CFAP221: variants seen among roughly 807,000 people sequenced by gnomAD.
The protein encoded by CFAP221 is cilia and flagella associated protein 221.
Under a neutral mutation model 113.1 loss-of-function variants are expected in CFAP221, and 97 were observed. The observed-to-expected ratio is 0.86, with a 90% confidence interval of 0.73 to 1.02. The LOEUF is 1.02. Among genes scored for constraint, CFAP221 ranks in the 50% least tolerant of loss-of-function variants. The probability of loss-of-function intolerance (pLI) is 0.00; values close to 1 mark genes in which losing one functional copy is unlikely to be tolerated. For synonymous variants in CFAP221, 331 were observed against 354.4 expected, an observed-to-expected ratio of 0.93 and a Z score of 0.74; for missense variants, 1,025 against 1,013.4, an observed-to-expected ratio of 1.01 and a Z score of -0.16.
intron 13 of CFAP221, among the ~76,000 whole-genome samples, chr2:119,612,503 G>A (rs1685245204): frequency 6.6e-6 from 1 of 152,172 alleles, no homozygotes; most frequent in Non-Finnish European, 1.5e-5. Context: ...ATGAGAACAG[G>A]ATGGGGGAAA....
chr2:119,567,236 G>C (rs2104558673), intron 6 of CFAP221, among the ~76,000 whole-genome samples: 1 of 147,422 alleles, frequency 6.8e-6, no homozygotes, highest in Non-Finnish European at 1.5e-5. Context: ...ATCATACAGA[G>C]TATTTTCACT....
Position 119,630,454 on chromosome 2 carries a change from A to G in CFAP221, c.1732-116A>G, listed in dbSNP as rs1267831220. 8.0e-6 allele frequency: 6 copies of G among 749,520 alleles called. No homozygotes were observed. The African/African-American group carries it at 8.8e-5, about 11-fold the overall frequency. The allele number at this position is 749,520 out of a possible 1,614,324, so 46.4% of individuals were successfully genotyped here. On this transcript the variant is annotated intron_variant, in intron 17 of 23. Transcript: ENST00000413369. Reference sequence around the variant, plus strand: ...CAATAGCCACAATCCGATGACTACAACATGGTGCTTGTCTTACTTTTACCA... The same window carrying G: ...CAATAGCCACAATCCGATGACTACAGCATGGTGCTTGTCTTACTTTTACCA...
intron 12 of CFAP221, among the ~76,000 whole-genome samples, chr2:119,609,825 AT>A (rs1685029718): frequency 6.6e-6 from 1 of 152,220 alleles, no homozygotes; most frequent in African/African-American, 2.4e-5. Flanking sequence ...CTTGTCAGAT[AT>A]GAATATGTTT....
At chr2:119,635,421 A>G (rs570984548) in intron 19 of CFAP221, among the ~76,000 whole-genome samples, 1 of 152,224 alleles carries the variant, frequency 6.6e-6, no homozygotes, top group East Asian at 1.9e-4. Context: ...AAAAAAGATT[A>G]CATGCTGTTT....
intron 14 of CFAP221, among the ~76,000 whole-genome samples, chr2:119,621,756 A>G (rs915442802): frequency 3.3e-5 from 5 of 152,224 alleles, no homozygotes; most frequent in Non-Finnish European, 7.3e-5. Flanking sequence ...GCACAACTAC[A>G]TGGAAACTGA....
At chr2:119,579,310 T>A in intron 6 of CFAP221, among the ~76,000 whole-genome samples, 1 of 151,748 alleles carries the variant, frequency 6.6e-6, no homozygotes, top group East Asian at 1.9e-4. Flanking sequence ...TATATATACA[T>A]ATATATATGT....
At chr2:119,547,154 A>G (rs918877643) in intron 2 of CFAP221, among the ~76,000 whole-genome samples, 2 of 152,240 alleles carry the variant, frequency 1.3e-5, no homozygotes, top group African/African-American at 4.8e-5. Flanking sequence ...TTGTCACTGT[A>G]GAACTTGTCA....
chr2:119,657,480 A>G (rs1323737603), downstream of CFAP221, among the ~76,000 whole-genome samples: 4 of 152,252 alleles, frequency 2.6e-5, no homozygotes. Context: ...AGGGCAGGAC[A>G]TAAGCATCAG....
At chr2:119,591,168 AG>A (rs965165104) in intron 7 of CFAP221, among the ~76,000 whole-genome samples, 1 of 152,220 alleles carries the variant, frequency 6.6e-6, no homozygotes, top group Admixed American at 6.5e-5. Context: ...GGCCATATGC[AG>A]GGTTGGAAAA....
chr2:119,652,441 A>G (rs545503176), intron 23 of CFAP221, among the ~76,000 whole-genome samples: 42 of 152,312 alleles, frequency 2.8e-4, no homozygotes, highest in African/African-American at 1.0e-3. Context: ...TATTGTCCTT[A>G]TCAACTCTGA....
intron 3 of CFAP221, among the ~76,000 whole-genome samples, chr2:119,555,324 G>A (rs1196586449): frequency 6.6e-6 from 1 of 152,110 alleles, no homozygotes; most frequent in Non-Finnish European, 1.5e-5. Context: ...ATTCCGGAGG[G>A]ACTAGGAGTT....
intron 3 of CFAP221, among the ~76,000 whole-genome samples, chr2:119,559,350 G>T (rs967948514): frequency 2.0e-5 from 3 of 151,664 alleles, no homozygotes; most frequent in Admixed American, 6.6e-5. Context: ...TGAATCGCAG[G>T]ACTAAATTGA....
chr2:119,634,899 ACATCGCAC>A (rs1687018814), intron 19 of CFAP221, among the ~76,000 whole-genome samples: 1 of 152,222 alleles, frequency 6.6e-6, no homozygotes, highest in African/African-American at 2.4e-5. Context: ...CTGCGGTACA[ACATCGCAC>A]TTATAGCCAA....
chr2:119,628,294 G>GGGGTGTGTGT (rs1553491014), intron 16 of CFAP221, among the ~76,000 whole-genome samples: 9 of 137,490 alleles, frequency 6.5e-5, no homozygotes, highest in East Asian at 2.2e-4. Context: ...CTCTCTGGGG[G>GGGGTGTGTGT]GTGTGTGTGT....
At chr2:119,587,322 G>C (rs1683292538) in intron 7 of CFAP221, 100 bp downstream of exon 7, 1 of 729,180 alleles carries the variant, frequency 1.4e-6, no homozygotes. Flanking sequence ...ACACATAACT[G>C]ACCTGATGTA....
Position 119,605,168 on chromosome 2 carries a change from C to T in CFAP221, c.1025-13C>T, listed in dbSNP as rs1270097057. On this transcript the variant is annotated splice_polypyrimidine_tract_variant and intron_variant, in intron 10 of 23. Transcript: ENST00000413369. ...TGATTACTGGTATAAACATTGTCTG[C>T]TCCTGCCTTCAGTTTTGGACCAGGG... The T allele has an allele frequency of 1.9e-6, 3 of 1,601,990 alleles. No individual in the cohort carries two copies. The highest frequency in any genetic ancestry group is 4.5e-5 in the East Asian group (2 of 44,816).
intron 12 of CFAP221, among the ~76,000 whole-genome samples, chr2:119,610,989 C>T (rs1685111566): frequency 6.6e-6 from 1 of 152,076 alleles, no homozygotes; most frequent in Non-Finnish European, 1.5e-5. Context: ...CAGGCGTCAT[C>T]AGGGAAGCAG....
intron 7 of CFAP221, among the ~76,000 whole-genome samples, chr2:119,599,803 T>C (rs1684240843): frequency 6.6e-6 from 1 of 152,224 alleles, no homozygotes; most frequent in Non-Finnish European, 1.5e-5. Context: ...CCCACTAGAA[T>C]GTAAACTGTG....
chr2:119,581,275 C>G (rs1481351697), intron 6 of CFAP221, among the ~76,000 whole-genome samples: 1 of 152,050 alleles, frequency 6.6e-6, no homozygotes, highest in African/African-American at 2.4e-5. Context: ...AAAATAGATA[C>G]ACTTAGGATT....
Sources: gnomAD v4.1 joint callset for allele counts (sites outside exome capture counted in the v4.1 genomes callset) on GRCh38, gnomAD v4.1.1 for gene constraint, MANE v1.5 for transcripts, NCBI Gene and HGNC (gene_info 2026-07-23, HGNC 2026-07-21) for gene names.